The following MARCHF1 variants were observed in gnomAD, a reference collection of about 807,000 sequenced individuals.
MARCHF1 encodes membrane associated ring-CH-type finger 1, also known as E3 ubiquitin-protein ligase MARCHF1.
A neutral mutation model predicts 54.2 loss-of-function variants in MARCHF1; 40 were observed. That is an observed-to-expected ratio of 0.74 (90% CI 0.57 to 0.96). The LOEUF (loss-of-function observed/expected upper bound fraction) is 0.96. MARCHF1 is among the 40% of genes least tolerant of loss of function. The probability of loss-of-function intolerance (pLI) is 0.00; values close to 1 mark genes in which losing one functional copy is unlikely to be tolerated. For missense variants in MARCHF1, 586 were observed against 656.5 expected, an observed-to-expected ratio of 0.89 and a Z score of 1.17; for synonymous variants, 236 against 236.3, an observed-to-expected ratio of 1.00 and a Z score of 0.01.
intron 1 of MARCHF1, among the ~76,000 whole-genome samples, chr4:164,146,517 T>G (rs1021083703): frequency 6.6e-6 from 1 of 152,224 alleles, no homozygotes; most frequent in Admixed American, 6.5e-5. Context: ...GAAATAACGC[T>G]GCATATCTAC....
intron 4 of MARCHF1, among the ~76,000 whole-genome samples, chr4:163,808,070 C>T (rs1196465414): frequency 2.0e-5 from 3 of 152,150 alleles, no homozygotes; most frequent in East Asian, 1.9e-4. Context: ...TTCTGTTGTG[C>T]TATTTTGTGA....
chr4:163,931,906 GTA>G (rs1468266869), intron 3 of MARCHF1, among the ~76,000 whole-genome samples: 1 of 152,082 alleles, frequency 6.6e-6, no homozygotes, highest in East Asian at 1.9e-4. Context: ...AAATCTTTCT[GTA>G]TATAAAGGCA....
chr4:163,983,023 G>A (rs2110872712), intron 3 of MARCHF1, among the ~76,000 whole-genome samples: 1 of 152,242 alleles, frequency 6.6e-6, no homozygotes, highest in African/African-American at 2.4e-5. Context: ...AGAATGGGGA[G>A]GGTTGGTTCT....
chr4:163,600,655 T>A (rs1740934582), intron 7 of MARCHF1, among the ~76,000 whole-genome samples: 1 of 152,190 alleles, frequency 6.6e-6, no homozygotes. Context: ...GGCAAAACAT[T>A]TTAATTTGGT....
At chr4:164,157,556 G>A (rs1156704361) in intron 1 of MARCHF1, among the ~76,000 whole-genome samples, 1 of 152,166 alleles carries the variant, frequency 6.6e-6, no homozygotes, top group East Asian at 1.9e-4. Context: ...AGTTCTGGAA[G>A]CTTGAAATCA....
intron 1 of MARCHF1, among the ~76,000 whole-genome samples, chr4:164,249,419 T>C (rs538861200): frequency 6.6e-6 from 1 of 152,154 alleles, no homozygotes; most frequent in African/African-American, 2.4e-5. Context: ...AATGAAAATA[T>C]GTGATGTATA....
chr4:163,743,570 A>G (rs970204213), intron 4 of MARCHF1, among the ~76,000 whole-genome samples: 2 of 140,080 alleles, frequency 1.4e-5, no homozygotes, highest in African/African-American at 5.3e-5. Flanking sequence ...GAAAGATGAT[A>G]CACCATCTTT....
At chr4:163,903,093 G>C (rs1383563673) in intron 3 of MARCHF1, among the ~76,000 whole-genome samples, 2 of 151,906 alleles carry the variant, frequency 1.3e-5, no homozygotes, top group African/African-American at 4.8e-5. Flanking sequence ...TGAAGATTCA[G>C]AAGACTCAGA....
chr4:164,058,267 T>G (rs551981643), intron 2 of MARCHF1, among the ~76,000 whole-genome samples: 1 of 152,246 alleles, frequency 6.6e-6, no homozygotes, highest in South Asian at 2.1e-4. Flanking sequence ...ACTTAAAGTA[T>G]AATAAAAGAG....
At chr4:163,960,041 A>T (rs1318509287) in intron 3 of MARCHF1, among the ~76,000 whole-genome samples, 1 of 152,098 alleles carries the variant, frequency 6.6e-6, no homozygotes, top group Non-Finnish European at 1.5e-5. Flanking sequence ...TGCGGCCAAC[A>T]AGCATATGGA....
chr4:163,799,676 T>C (rs1748024036), intron 4 of MARCHF1, among the ~76,000 whole-genome samples: 1 of 152,088 alleles, frequency 6.6e-6, no homozygotes, highest in Non-Finnish European at 1.5e-5. Context: ...TAACCATTAT[T>C]TTTTTCCTTA....
At chr4:163,607,374 T>C (rs1362474165) in intron 7 of MARCHF1, among the ~76,000 whole-genome samples, 2 of 152,056 alleles carry the variant, frequency 1.3e-5, no homozygotes, top group Non-Finnish European at 2.9e-5. Flanking sequence ...GTCAGTACTT[T>C]GTTGGAGACT....
chr4:164,275,790 A>C (rs1733866632), intron 1 of MARCHF1, among the ~76,000 whole-genome samples: 1 of 152,202 alleles, frequency 6.6e-6, no homozygotes, highest in African/African-American at 2.4e-5. Context: ...CATTAGTTAA[A>C]AATATGTTAG....
chr4:163,688,657 A>T (rs928104326), intron 5 of MARCHF1, among the ~76,000 whole-genome samples: 2 of 152,170 alleles, frequency 1.3e-5, no homozygotes, highest in African/African-American at 4.8e-5. Flanking sequence ...TTGGCCTCAG[A>T]ACAACTTTTC....
At chr4:163,634,262 A>T (rs10005903) in intron 5 of MARCHF1, among the ~76,000 whole-genome samples, 92,486 of 148,876 alleles carry the variant, frequency 0.62, 30,709 homozygotes, top group African/African-American at 0.86. Context: ...ACTTTAAATG[A>T]AAATGGACTA....
At chr4:164,232,228 T>C (rs1579643371) in intron 1 of MARCHF1, among the ~76,000 whole-genome samples, 1 of 152,252 alleles carries the variant, frequency 6.6e-6, no homozygotes, top group African/African-American at 2.4e-5. Flanking sequence ...ACAAAAGGGA[T>C]TGCTACTTTT....
chr4:163,807,258 C>G (rs1354796830), intron 4 of MARCHF1, among the ~76,000 whole-genome samples: 1 of 152,074 alleles, frequency 6.6e-6, no homozygotes, highest in Non-Finnish European at 1.5e-5. Context: ...AAAAATTTAT[C>G]ACTGACAAAA....
rs150519021 is a variant in MARCHF1 at position 164,201,154 on chromosome 4, C to A, written c.-322-89492G>T. 2.8e-4 allele frequency among the ~76,000 whole-genome samples: 42 copies of A among 152,310 alleles called. 2 individuals are homozygous for A. In the East Asian group the frequency reaches 7.3e-3, roughly 27 times the overall value. On this transcript the variant is annotated intron_variant, in intron 1 of 9. Transcript: ENST00000514618. ...GTTTTATCTTAGCATAATGAAAAGA[C>A]ATGTAAGACTTCTGAACACGAAATC...
At chr4:163,856,873 G>T (rs767454920) in intron 3 of MARCHF1, among the ~76,000 whole-genome samples, 1 of 152,078 alleles carries the variant, frequency 6.6e-6, no homozygotes, top group East Asian at 1.9e-4. Context: ...TTAGCCGGGC[G>T]TGGTGGCATG....
Sources: allele counts gnomAD v4.1 joint callset (sites outside exome capture counted in the v4.1 genomes callset), GRCh38; gene constraint gnomAD v4.1.1; transcripts MANE v1.5; gene names NCBI Gene and HGNC (gene_info 2026-07-23, HGNC 2026-07-21).